DNAJC5B: variants seen among roughly 807,000 people sequenced by gnomAD.
DNAJC5B encodes the protein dnaJ homolog subfamily C member 5B.
A neutral mutation model predicts 24.7 loss-of-function variants in DNAJC5B; 23 were observed. The ratio of observed to expected loss-of-function variants is 0.93; its 90% confidence interval spans 0.67 to 1.32. The LOEUF is 1.32. DNAJC5B is among the 40% of genes most tolerant of loss of function. The pLI is 0.00. For synonymous variants in DNAJC5B, 101 were observed against 90.1 expected (o/e 1.12, Z -0.68); for missense variants, 238 against 240.8 (o/e 0.99, Z 0.08).
chr8:66,072,690 T>G (rs1386595737), intron 3 of DNAJC5B, among the ~76,000 whole-genome samples: 1 of 152,220 alleles, frequency 6.6e-6, no homozygotes, highest in African/African-American at 2.4e-5. Context: ...ATAAAATATC[T>G]ATAATTCAGT....
At chr8:66,035,322 T>A (rs1356738237) in intron 1 of DNAJC5B, among the ~76,000 whole-genome samples, 1 of 152,236 alleles carries the variant, frequency 6.6e-6, no homozygotes, top group Non-Finnish European at 1.5e-5. Context: ...AAAAGAGACA[T>A]GTCCTAATCT....
intron 5 of DNAJC5B, among the ~76,000 whole-genome samples, chr8:66,084,985 T>C (rs1807688895): frequency 6.6e-6 from 1 of 152,184 alleles, no homozygotes; most frequent in Non-Finnish European, 1.5e-5. Flanking sequence ...TTAACTTTCA[T>C]ATAAGGTGTG....
intron 3 of DNAJC5B, among the ~76,000 whole-genome samples, chr8:66,068,471 AAAG>A (rs1459468010): frequency 1.3e-5 from 2 of 152,108 alleles, no homozygotes; most frequent in African/African-American, 2.4e-5. Context: ...AGAAAATACC[AAAG>A]AAGAATTACA....
chr8:66,034,586 A>C lies in DNAJC5B; in HGVS notation c.-141-8902A>C, dbSNP rs1806440497. Among the ~76,000 whole-genome samples, 3 of 151,876 alleles carry C rather than the reference A, an allele frequency of 2.0e-5. No homozygotes were observed. In the South Asian group the frequency reaches 6.2e-4, roughly 32 times the overall value. On this transcript the variant is annotated intron_variant, in intron 1 of 5. Transcript: ENST00000276570. ...TGTTGGCAAGGTGGCAGTGGTGGGC[A>C]GAAAGGCAAAGCTGGAGTTTCAGAT... is the stretch of plus-strand genomic sequence containing the variant.
chr8:66,100,017 T>C lies in DNAJC5B; in HGVS notation c.586T>C (p.Cys196Arg), dbSNP rs1808040284. ...QLIKEGSRSY[C>R]TDS Reference sequence around the variant, plus strand: ...AATCAAAGAAGGATCTCGAAGTTATTGCACAGACTCTTGATATTGAGCCCT... The same window carrying C: ...AATCAAAGAAGGATCTCGAAGTTATCGCACAGACTCTTGATATTGAGCCCT... Residue 196 changes from cysteine to arginine, a missense_variant, in exon 6 of 6, where the codon TGC becomes CGC. Coordinates refer to ENST00000276570, the MANE Select transcript of DNAJC5B (RefSeq NM_033105.6). 1.2e-6 allele frequency: 2 copies of C among 1,613,846 alleles called. No homozygotes were observed. Among genetic ancestry groups the C allele is most frequent in the Admixed American group, 1.7e-5 (1 of 59,990 alleles).
intron 5 of DNAJC5B, among the ~76,000 whole-genome samples, chr8:66,095,167 ATACTGGGATTCTTTC>A (rs1807922961): frequency 6.6e-6 from 1 of 152,078 alleles, no homozygotes; most frequent in Non-Finnish European, 1.5e-5. Flanking sequence ...AGTTTGTGTA[ATACTGGGATTCTTTC>A]TACAGGATTC....
chr8:66,065,489 T>G (rs999559696), intron 3 of DNAJC5B, among the ~76,000 whole-genome samples: 5 of 152,208 alleles, frequency 3.3e-5, no homozygotes, highest in African/African-American at 1.2e-4. Context: ...GAGCTTTCTA[T>G]TCTGTCCCTT....
At chr8:66,029,465 G>T (rs1424781372) in intron 1 of DNAJC5B, among the ~76,000 whole-genome samples, 2 of 152,194 alleles carry the variant, frequency 1.3e-5, no homozygotes, top group Non-Finnish European at 2.9e-5. Context: ...TTTAGCTAAA[G>T]ATCAATGGGC....
chr8:66,053,398 G>A (rs957305957), intron 3 of DNAJC5B, among the ~76,000 whole-genome samples: 8 of 152,116 alleles, frequency 5.3e-5, no homozygotes, highest in Non-Finnish European at 1.0e-4. Context: ...GTGGGTTTTG[G>A]TGACTGATGA....
chr8:66,060,609 G>T (rs1011610291), intron 3 of DNAJC5B, among the ~76,000 whole-genome samples: 4 of 152,222 alleles, frequency 2.6e-5, no homozygotes, highest in African/African-American at 9.6e-5. Flanking sequence ...TGCTCAGCAA[G>T]AACTGTGGGT....
chr8:66,068,967 A>G (rs1472606422), intron 3 of DNAJC5B, among the ~76,000 whole-genome samples: 3 of 152,190 alleles, frequency 2.0e-5, no homozygotes, highest in African/African-American at 7.2e-5. Flanking sequence ...CTGATAACCT[A>G]CAATTCTACA....
At chr8:66,093,920 A>G (rs1276453719) in intron 5 of DNAJC5B, among the ~76,000 whole-genome samples, 4 of 152,134 alleles carry the variant, frequency 2.6e-5, no homozygotes, top group Non-Finnish European at 5.9e-5. Flanking sequence ...TGGGACTCCA[A>G]TTTCATTTTT....
chr8:66,033,076 A>C (rs1806394694), intron 1 of DNAJC5B, among the ~76,000 whole-genome samples: 1 of 152,230 alleles, frequency 6.6e-6, no homozygotes, highest in Admixed American at 6.5e-5. Context: ...GTTAGAAGCC[A>C]AGCCATCCGT....
intron 3 of DNAJC5B, chr8:66,058,142 G>T (rs1314953306): frequency 6.6e-6 from 1 of 152,202 alleles, no homozygotes; most frequent in Non-Finnish European, 1.5e-5. Flanking sequence ...TCCAAGGAAA[G>T]ATCAGTTCAT....
chr8:66,074,394 T>C (rs1162503856), intron 3 of DNAJC5B, among the ~76,000 whole-genome samples: 1 of 152,224 alleles, frequency 6.6e-6, no homozygotes, highest in Non-Finnish European at 1.5e-5. Flanking sequence ...CTTTAGATAA[T>C]TATAACTATA....
intron 3 of DNAJC5B, among the ~76,000 whole-genome samples, chr8:66,054,856 G>C (rs934057021): frequency 1.3e-5 from 2 of 152,134 alleles, no homozygotes; most frequent in African/African-American, 4.8e-5. Flanking sequence ...TTGACTGAAG[G>C]CTTCAGGCTG....
chr8:66,086,238 C>G (rs1356619811), intron 5 of DNAJC5B, among the ~76,000 whole-genome samples: 1 of 152,138 alleles, frequency 6.6e-6, no homozygotes, highest in Admixed American at 6.5e-5. Flanking sequence ...CAAATAGAAA[C>G]AGTTTTATTT....
chr8:66,065,979 A>C (rs180959150), intron 3 of DNAJC5B, among the ~76,000 whole-genome samples: 4 of 152,308 alleles, frequency 2.6e-5, no homozygotes, highest in Admixed American at 2.6e-4. Flanking sequence ...AGCCAGCAGA[A>C]GTGGAGTGAG....
At chr8:66,097,317 T>G (rs1304948837) in intron 5 of DNAJC5B, among the ~76,000 whole-genome samples, 2 of 151,950 alleles carry the variant, frequency 1.3e-5, no homozygotes, top group Non-Finnish European at 2.9e-5. Flanking sequence ...CCCTGAAAAT[T>G]TATCAAATGT....
Sources: allele counts gnomAD v4.1 joint callset (sites outside exome capture counted in the v4.1 genomes callset), GRCh38; gene constraint gnomAD v4.1.1; transcripts MANE v1.5; gene names NCBI Gene and HGNC (gene_info 2026-07-23, HGNC 2026-07-21).